The following SUPT3H variants were observed in gnomAD, a reference collection of about 807,000 sequenced individuals.
The protein encoded by SUPT3H is transcription initiation protein SPT3 homolog.
A neutral mutation model predicts 44.3 loss-of-function variants in SUPT3H; 44 were observed. The ratio of observed to expected loss-of-function variants is 0.99; its 90% confidence interval spans 0.78 to 1.28. The LOEUF (loss-of-function observed/expected upper bound fraction) is 1.28, where lower values mean the gene tolerates loss of function less well. Ranked by LOEUF, SUPT3H falls within the 50% of genes most tolerant of loss-of-function variation. The pLI, the probability that SUPT3H is intolerant of heterozygous loss-of-function variation, is 0.00. For missense variants in SUPT3H, 380 were observed against 387.1 expected, an observed-to-expected ratio of 0.98 and a Z score of 0.15; for synonymous variants, 124 against 125.6, an observed-to-expected ratio of 0.99 and a Z score of 0.09.
intron 2 of SUPT3H, among the ~76,000 whole-genome samples, chr6:45,238,498 A>C (rs1360806287): frequency 6.6e-6 from 1 of 152,188 alleles, no homozygotes; most frequent in Non-Finnish European, 1.5e-5. Context: ...GCCCTTGGCA[A>C]TTAACAAAGG....
rs1030932554 is a variant in SUPT3H at position 44,978,244 on chromosome 6, T to G, written c.505-16416A>C. ...ACAGCTACCATTTCTTAAACACCCA[T>G]GTGCTGAACTGAGCCAGGTATATTA... On this transcript the variant is annotated intron_variant, in intron 6 of 10. Transcript: ENST00000371459. 3.9e-5 allele frequency among the ~76,000 whole-genome samples: 6 copies of G among 152,282 alleles called. No homozygotes were observed. In the East Asian group the frequency reaches 1.2e-3, roughly 29 times the overall value.
intron 2 of SUPT3H, among the ~76,000 whole-genome samples, chr6:45,205,556 G>A (rs1320423334): frequency 6.6e-6 from 1 of 152,126 alleles, no homozygotes; most frequent in Non-Finnish European, 1.5e-5. Flanking sequence ...CAGCACTTTG[G>A]GAGGCCGAGG....
intron 2 of SUPT3H, among the ~76,000 whole-genome samples, chr6:45,188,575 G>A (rs1814629259): frequency 6.6e-6 from 1 of 152,144 alleles, no homozygotes; most frequent in Non-Finnish European, 1.5e-5. Flanking sequence ...AGACTACTGT[G>A]TCTAACAATA....
At chr6:44,967,294 G>A (rs1269147411) in intron 6 of SUPT3H, among the ~76,000 whole-genome samples, 1 of 152,124 alleles carries the variant, frequency 6.6e-6, no homozygotes, top group Non-Finnish European at 1.5e-5. Context: ...GCATTTTCTT[G>A]TTATTGTAAA....
At chr6:45,006,914 T>C (rs186823800) in intron 5 of SUPT3H, among the ~76,000 whole-genome samples, 318 of 152,302 alleles carry the variant, frequency 2.1e-3, no homozygotes, top group African/African-American at 7.1e-3. Context: ...ACATACTTCT[T>C]TCCTATTCTT....
chr6:44,915,489 C>G (rs1435478574), intron 10 of SUPT3H, among the ~76,000 whole-genome samples: 1 of 152,124 alleles, frequency 6.6e-6, no homozygotes, highest in African/African-American at 2.4e-5. Flanking sequence ...TTCTCCTTGG[C>G]CAGTGCATTC....
chr6:45,108,267 GGAGTTT>G (rs1799550390), intron 2 of SUPT3H, among the ~76,000 whole-genome samples: 1 of 152,204 alleles, frequency 6.6e-6, no homozygotes, highest in Admixed American at 6.5e-5. Context: ...CATGAGCTCA[GGAGTTT>G]GAGACCAGCC....
intron 2 of SUPT3H, among the ~76,000 whole-genome samples, chr6:45,302,265 T>G (rs1435777325): frequency 6.6e-6 from 1 of 151,698 alleles, no homozygotes; most frequent in Non-Finnish European, 1.5e-5. Context: ...CTTCCCACCC[T>G]TTTCCCCAAG....
At chr6:45,015,262 G>A (rs1047640122) in intron 4 of SUPT3H, among the ~76,000 whole-genome samples, 12 of 152,026 alleles carry the variant, frequency 7.9e-5, no homozygotes, top group Non-Finnish European at 1.6e-4. Flanking sequence ...TACATGGTGC[G>A]GCCTACTATT....
intron 2 of SUPT3H, among the ~76,000 whole-genome samples, chr6:45,335,736 G>A (rs1262233076): frequency 2.6e-5 from 4 of 151,136 alleles, no homozygotes; most frequent in African/African-American, 9.7e-5. Context: ...AAGACACCAT[G>A]AAGTAATCTA....
At chr6:45,176,134 G>C (rs573603671) in intron 2 of SUPT3H, among the ~76,000 whole-genome samples, 28 of 151,954 alleles carry the variant, frequency 1.8e-4, no homozygotes, top group Admixed American at 5.2e-4. Context: ...CGCAGAAGAC[G>C]GGTGATTTCT....
At chr6:44,909,144 T>TGC (rs1028849129) in intron 10 of SUPT3H, among the ~76,000 whole-genome samples, 7 of 67,648 alleles carry the variant, frequency 1.0e-4, no homozygotes, top group Admixed American at 2.6e-4. Context: ...TGTGTGTGCG[T>TGC]GTGTGTGTGT....
At chr6:45,247,616 C>T (rs1024736899) in intron 2 of SUPT3H, among the ~76,000 whole-genome samples, 1 of 151,914 alleles carries the variant, frequency 6.6e-6, no homozygotes, top group African/African-American at 2.4e-5. Flanking sequence ...GTTCTTTGTG[C>T]CTACCACTCT....
intron 10 of SUPT3H, among the ~76,000 whole-genome samples, chr6:44,852,794 T>C (rs1430435864): frequency 2.0e-5 from 3 of 152,170 alleles, no homozygotes; most frequent in East Asian, 3.9e-4. Flanking sequence ...GTAATTTGTA[T>C]AAAAAATGCT....
chr6:45,043,044 G>A (rs1788788905), intron 3 of SUPT3H, among the ~76,000 whole-genome samples: 1 of 151,688 alleles, frequency 6.6e-6, no homozygotes, highest in Non-Finnish European at 1.5e-5. Context: ...AAGCAATATA[G>A]CATACATGAA....
intron 2 of SUPT3H, among the ~76,000 whole-genome samples, chr6:45,176,192 C>G (rs974868470): frequency 7.2e-5 from 11 of 151,834 alleles, no homozygotes; most frequent in South Asian, 2.1e-4. Flanking sequence ...GAGTGCCAGA[C>G]AGTGGGCGCA....
chr6:45,254,213 T>C (rs1297053880), intron 2 of SUPT3H, among the ~76,000 whole-genome samples: 1 of 152,062 alleles, frequency 6.6e-6, no homozygotes, highest in Non-Finnish European at 1.5e-5. Flanking sequence ...GGAACCCAAG[T>C]TGTATTAAAC....
intron 2 of SUPT3H, among the ~76,000 whole-genome samples, chr6:45,241,212 C>CT (rs1227943750): frequency 1.4e-5 from 2 of 142,366 alleles, no homozygotes; most frequent in African/African-American, 4.9e-5. Flanking sequence ...ACAGGCCCCC[C>CT]CCCAAATCTT....
At chr6:45,357,944 C>G (rs1357655460) in intron 2 of SUPT3H, among the ~76,000 whole-genome samples, 1 of 151,892 alleles carries the variant, frequency 6.6e-6, no homozygotes, top group Non-Finnish European at 1.5e-5. Flanking sequence ...AGAAACTGAA[C>G]ACATTTCTTT....
Sources: allele counts gnomAD v4.1 joint callset (sites outside exome capture counted in the v4.1 genomes callset), GRCh38; gene constraint gnomAD v4.1.1; transcripts MANE v1.5; gene names NCBI Gene and HGNC (gene_info 2026-07-23, HGNC 2026-07-21).